Variants in IPP observed in about 807,000 individuals in gnomAD.
IPP encodes actin-binding protein IPP.
In IPP, 41 loss-of-function variants were observed where a neutral mutation model predicts 64.1. The observed-to-expected ratio is 0.64, with a 90% CI of 0.50 to 0.83. IPP has a LOEUF of 0.83. Ranked by LOEUF, IPP falls within the 40% of genes least tolerant of loss-of-function variation. The pLI is 0.00. For synonymous variants in IPP, 214 were observed against 235.2 expected (o/e 0.91, Z 0.83); for missense variants, 649 against 703.0 (o/e 0.92, Z 0.87).
intron 4 of IPP, among the ~76,000 whole-genome samples, chr1:45,728,296 T>C (rs1011742482): frequency 1.3e-5 from 2 of 151,578 alleles, no homozygotes; most frequent in Non-Finnish European, 2.9e-5. Flanking sequence ...ACACATCCAA[T>C]CGGCAAAAAA....
At chr1:45,718,706 CA>C (rs1645692434) in intron 6 of IPP, among the ~76,000 whole-genome samples, 1 of 152,080 alleles carries the variant, frequency 6.6e-6, no homozygotes, top group South Asian at 2.1e-4. Context: ...AGAACATCTC[CA>C]AAGTCATCAG....
At chr1:45,732,574 A>G (rs898947850) in intron 3 of IPP, among the ~76,000 whole-genome samples, 2 of 152,302 alleles carry the variant, frequency 1.3e-5, no homozygotes, top group Admixed American at 6.5e-5. Flanking sequence ...GAGAAAAAAT[A>G]CTGTAACATT....
chr1:45,701,829 G>A (rs995315508), intron 8 of IPP, among the ~76,000 whole-genome samples: 1 of 152,148 alleles, frequency 6.6e-6, no homozygotes, highest in East Asian at 1.9e-4. Flanking sequence ...TCTCATCCCA[G>A]TACCCACATA....
At chr1:45,737,307 C>T (rs1645995055) in intron 3 of IPP, among the ~76,000 whole-genome samples, 1 of 151,918 alleles carries the variant, frequency 6.6e-6, no homozygotes, top group East Asian at 1.9e-4. Flanking sequence ...AGATGTATTC[C>T]TTATTTGTGA....
Position 45,700,028 on chromosome 1 carries a change from T to C in IPP, c.1693A>G (p.Thr565Ala), listed in dbSNP as rs1645430698. The change falls in exon 9 of 9, where the codon ACA becomes GCA. Residue 565 changes from threonine (T) to alanine (A), a missense_variant. Physicochemically the swap from Thr to Ala is moderately conservative, Grantham distance 58. Transcript: ENST00000396478. ...SVEVYNPHSD[T>A]WTEIGNMITS... is the part of the protein sequence containing the mutation. ...ATCATGTTACCAATTTCTGTCCATG[T>C]ATCTGAATGAGGGTTATAAACTTCA... is the stretch of plus-strand genomic sequence containing the variant. The C allele has an allele frequency of 1.2e-6, 2 of 1,614,078 alleles. No homozygotes were observed. Among genetic ancestry groups the C allele is most frequent in the African/African-American group, 2.7e-5 (2 of 74,926 alleles).
chr1:45,750,425 C>T (rs961866957), intron 1 of IPP, among the ~76,000 whole-genome samples, 172 bp downstream of exon 1: 8 of 152,244 alleles, frequency 5.3e-5, no homozygotes, highest in Non-Finnish European at 1.0e-4. Context: ...CTGGGGAGGG[C>T]GACACTTAGA....
At chr1:45,738,855 A>AAAAAACAAAAC (rs1646018109) in intron 3 of IPP, among the ~76,000 whole-genome samples, 16 of 149,772 alleles carry the variant, frequency 1.1e-4, no homozygotes, top group Admixed American at 4.6e-4. Context: ...AAAAAAAAAA[A>AAAAAACAAAAC]AAAAAAAAAA....
intron 5 of IPP, among the ~76,000 whole-genome samples, chr1:45,722,532 G>A (rs968860271): frequency 7.9e-5 from 12 of 151,658 alleles, no homozygotes; most frequent in Admixed American, 1.3e-4. Context: ...GCAACAGAGC[G>A]AGACTCCATC....
At chr1:45,740,861 ATAAT>A (rs761657479) in intron 3 of IPP, 36 bp downstream of exon 3, 1 of 1,285,358 alleles carries the variant, frequency 7.8e-7, no homozygotes, top group East Asian at 2.3e-5. Context: ...ACATCACTGG[ATAAT>A]TAATCAACTA....
At chr1:45,695,420 C>T (rs1020138852), downstream of IPP, among the ~76,000 whole-genome samples, 14 of 151,998 alleles carry the variant, frequency 9.2e-5, no homozygotes, top group African/African-American at 3.4e-4. Flanking sequence ...CCTAGGCTCC[C>T]AAAGTGTTAG....
chr1:45,695,382 C>G (rs892906675), downstream of IPP, among the ~76,000 whole-genome samples: 1 of 151,592 alleles, frequency 6.6e-6, no homozygotes, highest in Non-Finnish European at 1.5e-5. Context: ...CCAGGCTGGT[C>G]TTGAACTGAG....
intron 5 of IPP, among the ~76,000 whole-genome samples, chr1:45,723,329 A>C (rs1031768585): frequency 6.6e-6 from 1 of 152,214 alleles, no homozygotes; most frequent in African/African-American, 2.4e-5. Flanking sequence ...AAAAGTATTT[A>C]AAAGTTATAT....
At position 45,700,185 on chromosome 1, in the gene IPP, C is replaced by G. The variant is rs1258426720; in HGVS notation, c.1536G>C (p.Lys512Asn). ...TVEKYSFEEE[K>N]WVEVASMKVP... Reference sequence around the variant, plus strand: ...CTTTCATTGAGGCAACTTCAACCCACTTTTCCTGGTTAAGAGAGAAAAAAA... The same window carrying G: ...CTTTCATTGAGGCAACTTCAACCCAGTTTTCCTGGTTAAGAGAGAAAAAAA... Residue 512 changes from lysine (K) to asparagine (N), a missense_variant, in exon 9 of 9, where the codon AAG becomes AAC. By Grantham distance (94) the Lys-to-Asn change is moderately conservative (BLOSUM62 0). Coordinates refer to ENST00000396478, the MANE Select transcript of IPP (RefSeq NM_005897.3). 6.2e-7 allele frequency: 1 copy of G among 1,607,844 alleles called. No individual in the cohort carries two copies. Among genetic ancestry groups the G allele is most frequent in the Non-Finnish European group, 8.5e-7 (1 of 1,177,800 alleles).
intron 5 of IPP, among the ~76,000 whole-genome samples, chr1:45,722,179 G>A (rs1241925231): frequency 6.6e-5 from 10 of 151,730 alleles, no homozygotes; most frequent in East Asian, 5.8e-4. Context: ...ACTTGAACCC[G>A]GGAGGCAGAG....
intron 5 of IPP, among the ~76,000 whole-genome samples, chr1:45,720,299 C>T (rs181095635): frequency 2.6e-5 from 4 of 151,834 alleles, no homozygotes; most frequent in Non-Finnish European, 5.9e-5. Flanking sequence ...TTATGCAATG[C>T]CCCTATGGAT....
intron 8 of IPP, among the ~76,000 whole-genome samples, chr1:45,701,578 C>T (rs1645456703): frequency 6.6e-6 from 1 of 152,160 alleles, no homozygotes; most frequent in Admixed American, 6.5e-5. Flanking sequence ...TGAGCCACCG[C>T]ACCCAGCGAC....
Position 45,719,256 on chromosome 1 carries a change from T to C in IPP, c.1133A>G (p.His378Arg), listed in dbSNP as rs960995180. ...ACACACTCCTAAGCCGCAGCGGGGA[T>C]GATTCATCGAAGCTACAGTTGTCCA... ...KQWTTVASMNHPRCGLGVCVC... is the reference protein window; with the variant it reads ...KQWTTVASMNRPRCGLGVCVC... The change falls in exon 6 of 9, where the codon CAT (histidine) becomes CGT (arginine). Residue 378 changes from histidine to arginine, a missense_variant. Coordinates refer to ENST00000396478, the MANE Select transcript of IPP (RefSeq NM_005897.3). The C allele has an allele frequency of 1.2e-6, 2 of 1,613,974 alleles. No individual in the cohort carries two copies. The highest frequency in any genetic ancestry group is 1.7e-6 in the Non-Finnish European group (2 of 1,179,896).
chr1:45,728,498 T>C (rs1426120915), intron 4 of IPP, among the ~76,000 whole-genome samples: 1 of 151,586 alleles, frequency 6.6e-6, no homozygotes, highest in African/African-American at 2.4e-5. Flanking sequence ...TTTAATGCTT[T>C]TTTTTTCTTT....
chr1:45,712,386 G>A (rs892612034), intron 8 of IPP, among the ~76,000 whole-genome samples: 3 of 150,864 alleles, frequency 2.0e-5, no homozygotes, highest in Non-Finnish European at 4.4e-5. Flanking sequence ...CTTTTCAGAT[G>A]TACATGACGT....
Sources: allele counts gnomAD v4.1 joint callset (sites outside exome capture counted in the v4.1 genomes callset), GRCh38; gene constraint gnomAD v4.1.1; transcripts MANE v1.5; gene names NCBI Gene and HGNC (gene_info 2026-07-23, HGNC 2026-07-21).